The following PLEKHA5 variants were observed in gnomAD, a reference collection of about 807,000 sequenced individuals.
The protein encoded by PLEKHA5 is pleckstrin homology domain-containing family A member 5.
PLEKHA5 carries 55 observed loss-of-function variants against 181.9 expected under a neutral mutation model. The ratio of observed to expected loss-of-function variants is 0.30; its 90% CI spans 0.24 to 0.38. The LOEUF (loss-of-function observed/expected upper bound fraction) is 0.38. Ranked by LOEUF, PLEKHA5 falls within the 10% of genes least tolerant of loss-of-function variation. The pLI is 1.00. For missense variants in PLEKHA5, 1,432 were observed against 1,549.5 expected, an observed-to-expected ratio of 0.92 and a Z score of 1.27; for synonymous variants, 535 against 529.4, an observed-to-expected ratio of 1.01 and a Z score of -0.15.
In PLEKHA5 at chr12:19,307,898, G is replaced by C. The variant is rs139537693; in HGVS notation, c.2038-6916G>C. Among the ~76,000 whole-genome samples the C allele has an allele frequency of 2.5e-4, 38 of 151,818 alleles. No homozygotes were observed. The East Asian group carries it at 7.4e-3, about 29-fold the overall frequency. Reference sequence around the variant, plus strand: ...AGTCTCGGTGTCCTAAAAGAAAATTGTCTCTCTCACCATCCCCTGGGAAAC... The same window carrying C: ...AGTCTCGGTGTCCTAAAAGAAAATTCTCTCTCTCACCATCCCCTGGGAAAC... On this transcript the variant is annotated intron_variant, in intron 15 of 31. Transcript: ENST00000429027.
intron 21 of PLEKHA5, among the ~76,000 whole-genome samples, chr12:19,342,512 C>T (rs905602188): frequency 5.3e-5 from 8 of 151,992 alleles, no homozygotes; most frequent in African/African-American, 1.9e-4. Context: ...CAAAATTAGC[C>T]GGGTGTGGTG....
chr12:19,283,733 C>A lies in PLEKHA5; in HGVS notation c.1767C>A (p.Ala589=), dbSNP rs761176704. Residue 589 remains alanine, a synonymous_variant, in exon 12 of 32, where the codon GCC becomes GCA. Coordinates refer to ENST00000429027, the MANE Select transcript of PLEKHA5 (RefSeq NM_001256470.2). ...TGACAATAGACCGCAGACACAGGGCCCATCACCCTAAGGTAAAATAGCTGC... is the reference window on the plus strand; with the variant it reads ...TGACAATAGACCGCAGACACAGGGCACATCACCCTAAGGTAAAATAGCTGC... The part of the protein sequence containing the change: ...GDVTIDRRHR[A]HHPKHVYVPD... 6.2e-7 allele frequency: 1 copy of A among 1,609,958 alleles called. No homozygotes were observed. Among genetic ancestry groups the A allele is most frequent in the Admixed American group, 1.7e-5 (1 of 59,984 alleles).
intron 31 of PLEKHA5, among the ~76,000 whole-genome samples, chr12:19,374,774 G>T (rs1057010454): frequency 1.5e-4 from 22 of 151,434 alleles, no homozygotes; most frequent in Admixed American, 1.4e-3. Context: ...GGGCAACACG[G>T]TGAAACCCCG....
At chr12:19,268,994 AT>A (rs560790806) in intron 8 of PLEKHA5, among the ~76,000 whole-genome samples, 1 of 152,186 alleles carries the variant, frequency 6.6e-6, no homozygotes, top group Non-Finnish European at 1.5e-5. Context: ...GCCTAAAGAA[AT>A]TGCTAACGCA....
chr12:19,335,331 C>A (rs2093333525), intron 20 of PLEKHA5, among the ~76,000 whole-genome samples: 1 of 151,766 alleles, frequency 6.6e-6, no homozygotes, highest in Non-Finnish European at 1.5e-5. Flanking sequence ...CCACACCCAG[C>A]CAATCACCTA....
chr12:19,278,296 C>T (rs999873263), intron 11 of PLEKHA5, among the ~76,000 whole-genome samples: 2 of 152,112 alleles, frequency 1.3e-5, no homozygotes, highest in African/African-American at 4.8e-5. Context: ...ATATACGTCT[C>T]TACAACAGGG....
At chr12:19,260,191 T>G (rs987922383) in intron 6 of PLEKHA5, among the ~76,000 whole-genome samples, 6 of 152,218 alleles carry the variant, frequency 3.9e-5, no homozygotes, top group African/African-American at 1.4e-4. Flanking sequence ...CATTTGTATA[T>G]TAAGGTTTCT....
At position 19,274,912 on chromosome 12, in the gene PLEKHA5, A is replaced by G; in HGVS notation, c.1242A>G (p.Thr414=). Residue 414 remains threonine, a synonymous_variant, in exon 11 of 32, where the codon ACA becomes ACG. Transcript: ENST00000429027. ...YTEADRVIQR[T]NSMQQLEQWI... ...AGGCCGATCGAGTCATACAGAGAAC[A>G]AATTCAATGCAGCAGTTGGAACAGT... 6.2e-7 allele frequency: 1 copy of G among 1,614,000 alleles called. No homozygotes were observed. The highest frequency in any genetic ancestry group is 8.5e-7 in the Non-Finnish European group (1 of 1,180,034).
chr12:19,221,950 G>A (rs1246458306), intron 3 of PLEKHA5, among the ~76,000 whole-genome samples: 1 of 151,976 alleles, frequency 6.6e-6, no homozygotes, highest in African/African-American at 2.4e-5. Context: ...AGAAACAATT[G>A]ACTTTAGTTA....
intron 15 of PLEKHA5, among the ~76,000 whole-genome samples, chr12:19,298,408 C>CTTTTTTTTTTTTTTT (rs533661916): frequency 6.6e-5 from 7 of 106,314 alleles, no homozygotes; most frequent in Non-Finnish European, 9.6e-5. Flanking sequence ...ATTTTTTTAG[C>CTTTTTTTTTTTTTTT]TTTTTTTTTT....
intron 8 of PLEKHA5, among the ~76,000 whole-genome samples, chr12:19,268,657 G>A (rs1314703277): frequency 6.6e-6 from 1 of 152,172 alleles, no homozygotes. Flanking sequence ...ACATCATCTA[G>A]TAAATATTTC....
chr12:19,198,991 A>G (rs1438258913), intron 3 of PLEKHA5, among the ~76,000 whole-genome samples: 1 of 152,152 alleles, frequency 6.6e-6, no homozygotes, highest in African/African-American at 2.4e-5. Flanking sequence ...AACATTGTCT[A>G]TAGCAAAAGA....
chr12:19,141,677 G>T (rs891836381), intron 3 of PLEKHA5, among the ~76,000 whole-genome samples: 8 of 152,178 alleles, frequency 5.3e-5, no homozygotes, highest in Non-Finnish European at 7.3e-5. Flanking sequence ...AGAAAGTGCT[G>T]AATTTTGAGG....
At chr12:19,302,990 C>T (rs6486947) in intron 15 of PLEKHA5, among the ~76,000 whole-genome samples, 18,214 of 133,994 alleles carry the variant, frequency 0.14, 1,187 homozygotes, top group South Asian at 0.18. Flanking sequence ...AGCGCCATCT[C>T]GGCTCACTGC....
At chr12:19,254,942 A>C (rs547508543) in intron 4 of PLEKHA5, 103 bp from the exon 5 acceptor site, 1 of 942,014 alleles carries the variant, frequency 1.1e-6, no homozygotes, top group African/African-American at 1.6e-5. Flanking sequence ...GGATCCAAGT[A>C]CTGTGAAAAA....
chr12:19,315,978 A>T (rs1478438994), intron 16 of PLEKHA5, among the ~76,000 whole-genome samples: 1 of 152,194 alleles, frequency 6.6e-6, no homozygotes, highest in Non-Finnish European at 1.5e-5. Context: ...AAACTATTAA[A>T]TATTTAAAGT....
At chr12:19,213,506 G>T (rs948573523) in intron 3 of PLEKHA5, among the ~76,000 whole-genome samples, 1 of 152,166 alleles carries the variant, frequency 6.6e-6, no homozygotes, top group Non-Finnish European at 1.5e-5. Context: ...CCATGCTAAG[G>T]AGCATAGACA....
intron 3 of PLEKHA5, among the ~76,000 whole-genome samples, chr12:19,206,039 C>T (rs533584145): frequency 6.6e-6 from 1 of 152,134 alleles, no homozygotes; most frequent in African/African-American, 2.4e-5. Flanking sequence ...AAAGGTGTTA[C>T]AGTTATTCTG....
chr12:19,321,895 A>G (rs1363031229), intron 18 of PLEKHA5, among the ~76,000 whole-genome samples: 2 of 152,114 alleles, frequency 1.3e-5, no homozygotes, highest in East Asian at 1.9e-4. Context: ...AAATTTTATT[A>G]GAATACTTTC....
Sources: gnomAD v4.1 joint callset for allele counts (sites outside exome capture counted in the v4.1 genomes callset) on GRCh38, gnomAD v4.1.1 for gene constraint, MANE v1.5 for transcripts, NCBI Gene and HGNC (gene_info 2026-07-23, HGNC 2026-07-21) for gene names.